ADGB: variants seen among roughly 807,000 people sequenced by gnomAD.
ADGB encodes androglobin.
In ADGB, 172 loss-of-function variants were observed where a neutral mutation model predicts 210.5. The observed-to-expected ratio is 0.82, with a 90% CI of 0.72 to 0.93. The LOEUF is 0.93. Ranked by LOEUF, ADGB falls within the 40% of genes least tolerant of loss-of-function variation. The pLI, the probability that ADGB is intolerant of heterozygous loss-of-function variation, is 0.00. For synonymous variants in ADGB, 658 were observed against 662.7 expected, an observed-to-expected ratio of 0.99 and a Z score of 0.11; for missense variants, 2,025 against 1,964.8, an observed-to-expected ratio of 1.03 and a Z score of -0.58.
At chr6:146,599,215 AG>A in intron 1 of ADGB, 101 bp downstream of exon 1, 8 of 1,053,620 alleles carry the variant, frequency 7.6e-6, no homozygotes, top group Non-Finnish European at 1.2e-5. Context: ...CCAGGGCAGA[AG>A]TTTAGTGGCC....
At chr6:146,615,601 T>C (rs6925747) in intron 1 of ADGB, among the ~76,000 whole-genome samples, 5,537 of 152,274 alleles carry the variant, frequency 0.036, 338 homozygotes, top group African/African-American at 0.12. Flanking sequence ...ATTCTTAACC[T>C]TCCCAGCCTT....
chr6:146,633,439 C>T (rs1781093745), intron 1 of ADGB, among the ~76,000 whole-genome samples: 1 of 151,908 alleles, frequency 6.6e-6, no homozygotes, highest in Non-Finnish European at 1.5e-5. Flanking sequence ...AAAGACCCTC[C>T]CCCTGCCTTA....
intron 1 of ADGB, among the ~76,000 whole-genome samples, chr6:146,618,675 T>G (rs558703937): frequency 6.6e-6 from 1 of 151,162 alleles, no homozygotes; most frequent in Non-Finnish European, 1.5e-5. Flanking sequence ...GCATTCCTTT[T>G]GCTTTCATTT....
chr6:146,728,823 A>C, intron 20 of ADGB, 82 bp downstream of exon 20: 1 of 1,155,242 alleles, frequency 8.7e-7, no homozygotes, highest in Non-Finnish European at 1.2e-6. Context: ...GACCTCCCAA[A>C]TCAGAGCCAG....
intron 1 of ADGB, among the ~76,000 whole-genome samples, chr6:146,620,780 C>A (rs1452860898): frequency 1.3e-5 from 2 of 152,104 alleles, no homozygotes; most frequent in African/African-American, 2.4e-5. Context: ...TCTGCCAGAT[C>A]TCATAGATCT....
chr6:146,602,877 A>G (rs1780580041), intron 1 of ADGB, among the ~76,000 whole-genome samples: 3 of 152,212 alleles, frequency 2.0e-5, no homozygotes, highest in Admixed American at 2.0e-4. Context: ...CAAGAATCTA[A>G]TGCATCCCCC....
chr6:146,805,521 T>A (rs999622446), intron 35 of ADGB, among the ~76,000 whole-genome samples: 2 of 152,242 alleles, frequency 1.3e-5, no homozygotes, highest in African/African-American at 4.8e-5. Flanking sequence ...ACTTCCCTAA[T>A]GGCTTTACAT....
chr6:146,731,848 A>G (rs1188977931), intron 20 of ADGB, among the ~76,000 whole-genome samples: 2 of 152,134 alleles, frequency 1.3e-5, no homozygotes, highest in African/African-American at 4.8e-5. Flanking sequence ...TCTGAAATCT[A>G]GCAAACCCGT....
At position 146,633,100 on chromosome 6, in the gene ADGB, A is replaced by G. The variant is rs1781086987; in HGVS notation, c.75-2275A>G. 2.6e-5 allele frequency among the ~76,000 whole-genome samples: 4 copies of G among 152,126 alleles called. No homozygotes were observed. The South Asian group carries it at 8.3e-4, about 31-fold the overall frequency. ...AGGCTGTATTTTTGGCATCTAAAGC[A>G]CAATCTTATTTATCAGCGCACTGCT... On this transcript the variant is annotated intron_variant, in intron 1 of 35. Transcript: ENST00000397944.
chr6:146,698,468 A>G (rs1236170083), intron 12 of ADGB, among the ~76,000 whole-genome samples: 1 of 152,142 alleles, frequency 6.6e-6, no homozygotes, highest in African/African-American at 2.4e-5. Context: ...GTTAATTTAC[A>G]CTTTTATTTA....
chr6:146,792,704 T>C (rs752048387), intron 33 of ADGB, among the ~76,000 whole-genome samples: 19 of 152,080 alleles, frequency 1.2e-4, no homozygotes, highest in Non-Finnish European at 2.5e-4. Flanking sequence ...GGGTATACTT[T>C]TGCATAGAGA....
intron 3 of ADGB, among the ~76,000 whole-genome samples, chr6:146,652,854 GTT>G (rs1291727087): frequency 6.6e-6 from 1 of 152,064 alleles, no homozygotes; most frequent in Non-Finnish European, 1.5e-5. Context: ...CGTTAACTAA[GTT>G]TTCAGGTTTA....
At chr6:146,741,546 GA>G (rs1777164153) in intron 25 of ADGB, among the ~76,000 whole-genome samples, 1 of 152,098 alleles carries the variant, frequency 6.6e-6, no homozygotes, top group Non-Finnish European at 1.5e-5. Context: ...TGAAATTTAA[GA>G]AACATATAAA....
intron 27 of ADGB, among the ~76,000 whole-genome samples, chr6:146,755,194 T>A (rs1777388514): frequency 6.6e-6 from 1 of 152,110 alleles, no homozygotes; most frequent in Non-Finnish European, 1.5e-5. Flanking sequence ...TTGCTATTAT[T>A]TGCCTGTTGA....
Position 146,782,302 on chromosome 6 carries a change from A to G in ADGB, c.4035+110A>G, listed in dbSNP as rs1440294007. 2.7e-6 allele frequency: 3 copies of G among 1,107,008 alleles called. No homozygotes were observed. In the African/African-American group the frequency reaches 4.8e-5, roughly 18 times the overall value. 68.6% of individuals were successfully genotyped at this position (1,107,008 alleles called of 1,614,324 possible). ...AACCGTGAAACATTCTTTCTCCCTG[A>G]TTCCAGAAACCATCTAGATACTTTG... On this transcript the variant is annotated intron_variant, in intron 30 of 35. Transcript: ENST00000397944.
chr6:146,741,398 T>C (rs970487899), intron 25 of ADGB, 127 bp downstream of exon 25: 1 of 785,848 alleles, frequency 1.3e-6, no homozygotes, highest in African/African-American at 1.8e-5. Flanking sequence ...GCCCTGATCT[T>C]TCACTATAGA....
Position 146,815,108 on chromosome 6 carries a change from A to G in ADGB, c.4895A>G (p.His1632Arg), listed in dbSNP as rs259370. 0.6 allele frequency: 923,432 copies of G among 1,546,146 alleles called. 280,672 individuals carry two copies. The highest frequency in any genetic ancestry group is 0.88 in the African/African-American group (64,005 of 72,596). Reference protein sequence around the residue: ...EYRNKLLEAEHLKLETLAAQE... With the variant: ...EYRNKLLEAERLKLETLAAQE... Reference sequence around the variant, plus strand: ...AGAAACAAATTGCTGGAAGCTGAGCACCTAAAGCTGGAAACTCTGGCTGCT... The same window carrying G: ...AGAAACAAATTGCTGGAAGCTGAGCGCCTAAAGCTGGAAACTCTGGCTGCT... The change falls in exon 36 of 36, where the codon CAC (histidine) becomes CGC (arginine). Residue 1632 changes from histidine (H) to arginine (R), a missense_variant. Physicochemically the swap from His to Arg is conservative, Grantham distance 29. Coordinates refer to ENST00000397944, the MANE Select transcript of ADGB (RefSeq NM_024694.4).
At chr6:146,760,723 AGGTATAAATGTTCT>A (rs1051529243) in intron 27 of ADGB, among the ~76,000 whole-genome samples, 25 of 152,000 alleles carry the variant, frequency 1.6e-4, no homozygotes, top group African/African-American at 5.5e-4. Context: ...ATTCCCGACA[AGGTATAAATGTTCT>A]GGTTTCTCAC....
chr6:146,699,727 GT>G (rs1337361674), intron 12 of ADGB, among the ~76,000 whole-genome samples: 1 of 132,160 alleles, frequency 7.6e-6, no homozygotes, highest in Non-Finnish European at 1.6e-5. Context: ...CTCTCAGCTA[GT>G]TGAGTTTGCA....
Sources: allele counts gnomAD v4.1 joint callset (sites outside exome capture counted in the v4.1 genomes callset), GRCh38; gene constraint gnomAD v4.1.1; transcripts MANE v1.5; gene names NCBI Gene and HGNC (gene_info 2026-07-23, HGNC 2026-07-21).